The following ERBB4 variants were observed in gnomAD, a reference collection of about 807,000 sequenced individuals.
The protein encoded by ERBB4 is receptor tyrosine-protein kinase erbB-4.
ERBB4 carries 42 observed loss-of-function variants against 158.0 expected under a neutral mutation model. The ratio of observed to expected loss-of-function variants is 0.27; its 90% CI spans 0.21 to 0.34. The LOEUF is 0.34. Ranked by LOEUF, ERBB4 falls within the 10% of genes least tolerant of loss-of-function variation. The pLI is 1.00. For missense variants in ERBB4, 1,333 were observed against 1,624.1 expected, an observed-to-expected ratio of 0.82 and a Z score of 3.08; for synonymous variants, 583 against 558.7, an observed-to-expected ratio of 1.04 and a Z score of -0.61.
chr2:211,691,586 G>GTGTGTA (rs2072818880), intron 12 of ERBB4, among the ~76,000 whole-genome samples: 1 of 146,020 alleles, frequency 6.8e-6, no homozygotes, highest in African/African-American at 2.6e-5. Flanking sequence ...GTGTGTGTGT[G>GTGTGTA]TGTGTGTGTG....
intron 19 of ERBB4, among the ~76,000 whole-genome samples, chr2:211,581,224 AC>A (rs1412862693): frequency 6.6e-6 from 1 of 151,906 alleles, no homozygotes; most frequent in East Asian, 1.9e-4. Flanking sequence ...TAAAGAACTT[AC>A]TCATGTAACA....
intron 1 of ERBB4, among the ~76,000 whole-genome samples, chr2:212,368,654 C>G (rs1401608294): frequency 3.9e-5 from 6 of 152,094 alleles, no homozygotes; most frequent in Non-Finnish European, 8.8e-5. Flanking sequence ...CTGAGGAAGT[C>G]ATTTAATTTC....
At chr2:212,278,498 AT>A (rs2085630944) in intron 1 of ERBB4, among the ~76,000 whole-genome samples, 1 of 151,668 alleles carries the variant, frequency 6.6e-6, no homozygotes, top group Non-Finnish European at 1.5e-5. Flanking sequence ...GAAAAATCAC[AT>A]TGGGCCAAGC....
At chr2:211,683,347 C>G (rs1424004336) in intron 12 of ERBB4, among the ~76,000 whole-genome samples, 1 of 152,060 alleles carries the variant, frequency 6.6e-6, no homozygotes, top group Non-Finnish European at 1.5e-5. Context: ...TTAAACTTAC[C>G]CATTAGAGCT....
chr2:212,065,359 T>C (rs1487541680), intron 2 of ERBB4, among the ~76,000 whole-genome samples: 2 of 151,928 alleles, frequency 1.3e-5, no homozygotes, highest in Non-Finnish European at 2.9e-5. Context: ...CCATGCAAAA[T>C]TGCCTACAAA....
At chr2:211,916,290 C>G (rs966630615) in intron 3 of ERBB4, among the ~76,000 whole-genome samples, 4 of 152,040 alleles carry the variant, frequency 2.6e-5, no homozygotes, top group Non-Finnish European at 5.9e-5. Context: ...AGTGATTCTC[C>G]TTCCTCAGCC....
At chr2:211,477,049 T>A (rs1416747454) in intron 20 of ERBB4, among the ~76,000 whole-genome samples, 1 of 152,120 alleles carries the variant, frequency 6.6e-6, no homozygotes, top group Non-Finnish European at 1.5e-5. Context: ...TGTTTTTGGA[T>A]GAGATTAACA....
At chr2:212,395,916 C>G (rs72933173) in intron 1 of ERBB4, among the ~76,000 whole-genome samples, 2,456 of 152,170 alleles carry the variant, frequency 0.016, 30 homozygotes, top group Non-Finnish European at 0.023. Context: ...CACGCCCAGC[C>G]AGCTATACTT....
chr2:211,663,593 T>TTTA (rs1254659112), intron 15 of ERBB4, among the ~76,000 whole-genome samples: 4 of 151,978 alleles, frequency 2.6e-5, no homozygotes, highest in Admixed American at 6.6e-5. Flanking sequence ...ACTATATATG[T>TTTA]TTATTATTAT....
chr2:211,989,902 T>A (rs2082029408), intron 2 of ERBB4, among the ~76,000 whole-genome samples: 1 of 152,008 alleles, frequency 6.6e-6, no homozygotes, highest in African/African-American at 2.4e-5. Context: ...GAATTTGGTG[T>A]ATAAAATTAG....
chr2:211,716,458 C>T (rs530962773), intron 7 of ERBB4, among the ~76,000 whole-genome samples: 2 of 149,668 alleles, frequency 1.3e-5, no homozygotes, highest in African/African-American at 5.0e-5. Flanking sequence ...GGGCGGATCA[C>T]GAGGTCAGGA....
At chr2:212,256,133 T>C (rs1169662449) in intron 1 of ERBB4, among the ~76,000 whole-genome samples, 1 of 151,932 alleles carries the variant, frequency 6.6e-6, no homozygotes, top group African/African-American at 2.4e-5. Flanking sequence ...TGTGCTCAGG[T>C]TTGTGTTGTT....
intron 3 of ERBB4, among the ~76,000 whole-genome samples, chr2:211,905,647 C>CACAT (rs1553663424): frequency 7.0e-5 from 5 of 71,446 alleles, no homozygotes; most frequent in Non-Finnish European, 1.1e-4. Context: ...TAGGAAGGAT[C>CACAT]ATATATATAT....
In ERBB4 at chr2:212,132,111, T is replaced by C. The variant is rs551177339; in HGVS notation, c.83-7208A>G. On this transcript the variant is annotated intron_variant, in intron 1 of 27. Transcript: ENST00000342788. ...TTTAAGTATTCTTAATTTTACACAATAGTATTTAAGTTATAGGATATCAAG... is the reference window on the plus strand; with the variant it reads ...TTTAAGTATTCTTAATTTTACACAACAGTATTTAAGTTATAGGATATCAAG... 2.0e-5 allele frequency among the ~76,000 whole-genome samples: 3 copies of C among 152,262 alleles called. No individual in the cohort carries two copies. In the South Asian group the frequency reaches 6.2e-4, roughly 32 times the overall value.
chr2:212,105,639 G>A (rs1430286630), intron 2 of ERBB4, among the ~76,000 whole-genome samples: 3 of 152,140 alleles, frequency 2.0e-5, no homozygotes, highest in Non-Finnish European at 4.4e-5. Context: ...TAACATAGTT[G>A]CATGTGAATA....
chr2:212,522,045 A>T (rs572462552), intron 1 of ERBB4, among the ~76,000 whole-genome samples: 1 of 151,986 alleles, frequency 6.6e-6, no homozygotes, highest in Admixed American at 6.6e-5. Flanking sequence ...GACCTAAAAT[A>T]CTTAAGAAAT....
chr2:211,828,285 T>C (rs2077145819), intron 3 of ERBB4, among the ~76,000 whole-genome samples: 1 of 152,190 alleles, frequency 6.6e-6, no homozygotes, highest in African/African-American at 2.4e-5. Context: ...CTATGAATTG[T>C]GTAGTTACGT....
intron 5 of ERBB4, among the ~76,000 whole-genome samples, chr2:211,736,814 T>C (rs2074616155): frequency 6.6e-6 from 1 of 152,124 alleles, no homozygotes. Flanking sequence ...TATATTAAAT[T>C]GTGGGCCAAT....
chr2:212,325,554 A>C (rs1312620380), intron 1 of ERBB4, among the ~76,000 whole-genome samples: 4 of 150,860 alleles, frequency 2.7e-5, no homozygotes, highest in Admixed American at 1.3e-4. Flanking sequence ...CTACTTAATT[A>C]GAAAAAAATA....
Sources: allele counts gnomAD v4.1 joint callset (sites outside exome capture counted in the v4.1 genomes callset), GRCh38; gene constraint gnomAD v4.1.1; transcripts MANE v1.5; gene names NCBI Gene and HGNC (gene_info 2026-07-23, HGNC 2026-07-21).